The following TJP1 variants were observed in gnomAD, a reference collection of about 807,000 sequenced individuals.
The protein encoded by TJP1 is tight junction protein 1, also known as tight junction protein ZO-1.
A neutral mutation model predicts 194.2 loss-of-function variants in TJP1; 43 were observed. That is an observed-to-expected ratio of 0.22 (90% confidence interval 0.17 to 0.29). The LOEUF (loss-of-function observed/expected upper bound fraction) is 0.29. TJP1 is among the 10% of genes least tolerant of loss of function. The probability of loss-of-function intolerance (pLI) is 1.00; values close to 1 mark genes in which losing one functional copy is unlikely to be tolerated. For missense variants in TJP1, 1,971 were observed against 2,185.7 expected (o/e 0.90, Z 1.96); for synonymous variants, 801 against 779.0 (o/e 1.03, Z -0.47).
chr15:29,910,039 C>T (rs766534020), intron 2 of TJP1, among the ~76,000 whole-genome samples: 10 of 152,194 alleles, frequency 6.6e-5, no homozygotes, highest in Non-Finnish European at 7.3e-5. Context: ...AGAAAACACT[C>T]TAAAAGGCAA....
At chr15:29,900,200 T>G (rs1004191) in intron 2 of TJP1, among the ~76,000 whole-genome samples, 1 of 151,712 alleles carries the variant, frequency 6.6e-6, no homozygotes. Context: ...GGGGCAGGAG[T>G]GTGCTGGGCA....
At chr15:29,953,137 C>T (rs1290611414) in intron 2 of TJP1, among the ~76,000 whole-genome samples, 1 of 72,330 alleles carries the variant, frequency 1.4e-5, no homozygotes, top group African/African-American at 4.3e-5. Context: ...TAAAAGAAGA[C>T]AGATTTTTTT....
rs139385150 is a variant in TJP1 at position 29,742,926 on chromosome 15, T to C, written c.1011-145A>G. On this transcript the variant is annotated intron_variant, in intron 8 of 27. Transcript: ENST00000614355. ...ATACCAAAATATTGTAAAAACCTAGTAATTAAAAATAGAGCATTACCACAG... is the reference window on the plus strand; with the variant it reads ...ATACCAAAATATTGTAAAAACCTAGCAATTAAAAATAGAGCATTACCACAG... 1,728 of 624,366 alleles carry C rather than the reference T, an allele frequency of 2.8e-3. 3 individuals carry two copies. Among genetic ancestry groups the C allele is most frequent in the Non-Finnish European group, 3.5e-3 (1,512 of 427,652 alleles). 38.7% of individuals were successfully genotyped at this position (624,366 alleles called of 1,614,324 possible). A position where few individuals can be genotyped will look rare whatever the true frequency, so the allele number is the denominator to read the frequency against.
At chr15:29,949,910 T>A (rs1480690637) in intron 2 of TJP1, among the ~76,000 whole-genome samples, 12 of 41,796 alleles carry the variant, frequency 2.9e-4, no homozygotes, top group East Asian at 6.9e-4. Flanking sequence ...AACCACCACC[T>A]CCACCTCCAC....
At chr15:29,711,639 T>A (rs142489175) in intron 23 of TJP1, among the ~76,000 whole-genome samples, 3 of 152,302 alleles carry the variant, frequency 2.0e-5, no homozygotes, top group African/African-American at 7.2e-5. Flanking sequence ...AGTGCTGGGA[T>A]TACAGGCATG....
At chr15:29,902,021 C>T (rs2053650212) in intron 2 of TJP1, among the ~76,000 whole-genome samples, 1 of 151,936 alleles carries the variant, frequency 6.6e-6, no homozygotes. Context: ...AAAAAAGAAG[C>T]CACAAATATT....
intron 2 of TJP1, among the ~76,000 whole-genome samples, chr15:29,912,265 G>A (rs79645357): frequency 0.011 from 1,747 of 152,312 alleles, 36 homozygotes; most frequent in African/African-American, 0.04. Context: ...CCATGGCACC[G>A]GGGAGTTAGG....
chr15:29,702,407 T>G (rs2041605706), intron 27 of TJP1, among the ~76,000 whole-genome samples: 1 of 152,136 alleles, frequency 6.6e-6, no homozygotes, highest in South Asian at 2.1e-4. Context: ...TTCTATTAGA[T>G]GTGAAGGCAG....
chr15:29,724,638 T>C (rs1021634702), intron 18 of TJP1, among the ~76,000 whole-genome samples: 12 of 152,212 alleles, frequency 7.9e-5, no homozygotes, highest in African/African-American at 2.9e-4. Context: ...AAGGAACTCT[T>C]TCTAGCAATT....
At chr15:29,742,522 G>C (rs2044491307) in intron 9 of TJP1, 120 bp downstream of exon 9, 1 of 1,204,112 alleles carries the variant, frequency 8.3e-7, no homozygotes, top group South Asian at 2.5e-5. Context: ...GAAGTCATAT[G>C]CAGACAAATT....
chr15:29,891,498 T>C (rs2053307513), intron 2 of TJP1, among the ~76,000 whole-genome samples: 2 of 152,232 alleles, frequency 1.3e-5, no homozygotes, highest in Non-Finnish European at 2.9e-5. Flanking sequence ...TTATTGCACT[T>C]TGCAGATATT....
At chr15:29,948,825 T>C (rs2055376334) in intron 2 of TJP1, among the ~76,000 whole-genome samples, 1 of 152,006 alleles carries the variant, frequency 6.6e-6, no homozygotes, top group Non-Finnish European at 1.5e-5. Context: ...ACAGGAACAT[T>C]TCAACGACCT....
At chr15:29,822,471 A>C, upstream of TJP1, 1 of 985,056 alleles carries the variant, frequency 1.0e-6, no homozygotes, top group East Asian at 1.2e-4. Flanking sequence ...GCGGCCACGC[A>C]AACCTGCCGG....
In TJP1 at chr15:29,862,850, G is replaced by A. The variant is rs770163385; in HGVS notation, c.307-62148C>T. On this transcript the variant is annotated intron_variant, in intron 2 of 28. Transcript: ENST00000356107. ...TTTTTAGTAGAGACGGGGTTTCACC[G>A]TGTTAGCCAGGATGGTCGCGATCTC... is the stretch of plus-strand genomic sequence containing the variant. Among the ~76,000 whole-genome samples the A allele has an allele frequency of 4.1e-4, 61 of 150,548 alleles. No homozygotes were observed. In the South Asian group the frequency reaches 6.4e-3, roughly 16 times the overall value.
At chr15:29,846,488 T>C (rs1325496322) in intron 2 of TJP1, among the ~76,000 whole-genome samples, 2 of 151,904 alleles carry the variant, frequency 1.3e-5, no homozygotes, top group Non-Finnish European at 2.9e-5. Context: ...GAGACCTGGA[T>C]AAAAGGGGGA....
intron 1 of TJP1, among the ~76,000 whole-genome samples, chr15:29,960,043 T>C (rs559416464): frequency 5.6e-4 from 85 of 152,332 alleles, no homozygotes; most frequent in Admixed American, 8.5e-4. Context: ...ATAGCGCTGG[T>C]AGGTGTGATC....
chr15:29,946,250 C>A (rs927852330), intron 2 of TJP1, among the ~76,000 whole-genome samples: 22 of 152,154 alleles, frequency 1.4e-4, no homozygotes, highest in Non-Finnish European at 2.4e-4. Context: ...CTAATAAATG[C>A]AGAATGAATG....
At chr15:29,906,504 T>TAAATAAATAAAC (rs2053819241) in intron 2 of TJP1, among the ~76,000 whole-genome samples, 1 of 150,406 alleles carries the variant, frequency 6.6e-6, no homozygotes, top group Admixed American at 6.7e-5. Flanking sequence ...AATAAATAAA[T>TAAATAAATAAAC]AAATAAAGTT....
At chr15:29,766,609 G>C in intron 4 of TJP1, 67 bp from the exon 5 acceptor site, 1 of 1,449,508 alleles carries the variant, frequency 6.9e-7, no homozygotes, top group Non-Finnish European at 9.2e-7. Flanking sequence ...GTTCCAAAGA[G>C]AAAGGAATAT....
Sources: gnomAD v4.1 joint callset for allele counts (sites outside exome capture counted in the v4.1 genomes callset) on GRCh38, gnomAD v4.1.1 for gene constraint, MANE v1.5 for transcripts, NCBI Gene and HGNC (gene_info 2026-07-23, HGNC 2026-07-21) for gene names.